GPC6: variants seen among roughly 807,000 people sequenced by gnomAD.
GPC6 encodes glypican-6.
GPC6 carries 14 observed loss-of-function variants against 55.2 expected under a neutral mutation model. That is an observed-to-expected ratio of 0.25 (90% CI 0.17 to 0.40). GPC6 has a LOEUF of 0.40. Among genes scored for constraint, GPC6 ranks in the 10% least tolerant of loss-of-function variants. The probability of loss-of-function intolerance (pLI) is 1.00; values close to 1 mark genes in which losing one functional copy is unlikely to be tolerated. For synonymous variants in GPC6, 278 were observed against 259.6 expected, an observed-to-expected ratio of 1.07 and a Z score of -0.68; for missense variants, 641 against 708.5, an observed-to-expected ratio of 0.90 and a Z score of 1.08.
rs142006929 is a variant in GPC6, at chr13:94,059,437, A to G, written c.877+31543A>G. 1.4e-3 allele frequency among the ~76,000 whole-genome samples: 215 copies of G among 152,102 alleles called. 2 individuals carry two copies. Among genetic ancestry groups the G allele is most frequent in the African/African-American group, 4.9e-3 (205 of 41,522 alleles). Reference sequence around the variant, plus strand: ...CCTTGTCTTCTTGGCTGAGCCACAGAAGTGCTACTTGTAACACCCACAGCC... The same window carrying G: ...CCTTGTCTTCTTGGCTGAGCCACAGGAGTGCTACTTGTAACACCCACAGCC... On this transcript the variant is annotated intron_variant, in intron 4 of 8. Coordinates refer to ENST00000377047, the MANE Select transcript of GPC6 (RefSeq NM_005708.5).
chr13:93,936,681 T>TTACTTA (rs1229717217), intron 3 of GPC6, among the ~76,000 whole-genome samples: 1 of 152,174 alleles, frequency 6.6e-6, no homozygotes, highest in East Asian at 1.9e-4. Flanking sequence ...AATGGCTTAT[T>TTACTTA]TACTTATCCC....
In GPC6 at chr13:94,203,834, C is replaced by T. The variant is rs140322994; in HGVS notation, c.878-82515C>T. ...ACATGTTGGAGCCTCCCAATCCTTA[C>T]TGCATGTCTGATAACTATTCTTTCA... On this transcript the variant is annotated intron_variant, in intron 4 of 8. Transcript: ENST00000377047. Among the ~76,000 whole-genome samples the T allele has an allele frequency of 9.7e-3, 1,475 of 152,252 alleles. 10 individuals are homozygous for T. The highest frequency in any genetic ancestry group is 0.02 in the Middle Eastern group (6 of 294).
intron 4 of GPC6, among the ~76,000 whole-genome samples, chr13:94,192,554 T>C (rs1249646738): frequency 6.6e-6 from 1 of 152,228 alleles, no homozygotes; most frequent in Non-Finnish European, 1.5e-5. Context: ...CAGTAAAATA[T>C]GAGCCTGCAT....
intron 3 of GPC6, among the ~76,000 whole-genome samples, chr13:93,856,830 G>T (rs1004497773): frequency 6.6e-6 from 1 of 151,578 alleles, no homozygotes; most frequent in Admixed American, 6.6e-5. Flanking sequence ...TACATCATTA[G>T]CTGACCTCCA....
intron 5 of GPC6, among the ~76,000 whole-genome samples, chr13:94,292,880 T>A (rs1378758373): frequency 1.3e-5 from 2 of 152,178 alleles, no homozygotes; most frequent in Non-Finnish European, 2.9e-5. Context: ...TCTCTCCTAT[T>A]TGGCCCACAA....
At chr13:93,686,516 A>C (rs1050374144) in intron 2 of GPC6, among the ~76,000 whole-genome samples, 6 of 152,118 alleles carry the variant, frequency 3.9e-5, no homozygotes, top group African/African-American at 1.4e-4. Flanking sequence ...TCATGGGACT[A>C]AAATGTTTTG....
chr13:93,955,233 GA>G (rs1162899636), intron 3 of GPC6, among the ~76,000 whole-genome samples: 1 of 136,698 alleles, frequency 7.3e-6, no homozygotes, highest in African/African-American at 2.9e-5. Flanking sequence ...CATAACTCTT[GA>G]ATGAACATGC....
At chr13:93,840,293 A>G (rs2138996306) in intron 3 of GPC6, among the ~76,000 whole-genome samples, 1 of 152,258 alleles carries the variant, frequency 6.6e-6, no homozygotes, top group South Asian at 2.1e-4. Flanking sequence ...AACACAAAAG[A>G]TCATTCGAGG....
chr13:93,959,075 A>G (rs1457943789), intron 3 of GPC6, among the ~76,000 whole-genome samples: 1 of 152,186 alleles, frequency 6.6e-6, no homozygotes, highest in Non-Finnish European at 1.5e-5. Context: ...TAGCCTTTCG[A>G]CAGCACCTTT....
intron 2 of GPC6, among the ~76,000 whole-genome samples, chr13:93,621,558 A>G (rs1443587373): frequency 1.3e-5 from 2 of 152,154 alleles, no homozygotes; most frequent in African/African-American, 2.4e-5. Context: ...GGGAATCTGG[A>G]TTACTAACAA....
intron 3 of GPC6, among the ~76,000 whole-genome samples, chr13:94,004,357 G>C (rs1881927901): frequency 1.3e-5 from 2 of 151,824 alleles, no homozygotes; most frequent in Non-Finnish European, 2.9e-5. Flanking sequence ...CTTACTGGAT[G>C]ATACTTAACA....
intron 1 of GPC6, among the ~76,000 whole-genome samples, chr13:93,321,289 G>A (rs1482208948): frequency 1.3e-5 from 2 of 152,034 alleles, no homozygotes; most frequent in South Asian, 2.1e-4. Context: ...TTCATTAATT[G>A]GGTGCCTGAT....
intron 4 of GPC6, among the ~76,000 whole-genome samples, chr13:94,161,432 G>A (rs142741230): frequency 1.1e-3 from 163 of 152,246 alleles, no homozygotes; most frequent in African/African-American, 3.7e-3. Context: ...TACTTTTGCT[G>A]TATACAGTTA....
chr13:93,967,298 ATTCAGTGCTACATATAC>A (rs1168837477), intron 3 of GPC6, among the ~76,000 whole-genome samples: 1 of 152,214 alleles, frequency 6.6e-6, no homozygotes, highest in Non-Finnish European at 1.5e-5. Context: ...AATAGTTATA[ATTCAGTGCTACATATAC>A]TATGATTAAA....
chr13:93,246,528 A>T (rs891754697), intron 1 of GPC6, among the ~76,000 whole-genome samples: 10 of 152,198 alleles, frequency 6.6e-5, no homozygotes, highest in African/African-American at 2.2e-4. Context: ...CTATTTTCTT[A>T]ATAGATGAGA....
At chr13:93,250,284 C>A (rs73635731) in intron 1 of GPC6, among the ~76,000 whole-genome samples, 5,661 of 152,222 alleles carry the variant, frequency 0.037, 198 homozygotes, top group East Asian at 0.091. Flanking sequence ...TCTTAGATTG[C>A]GGAGTGATAA....
At chr13:93,435,799 G>A (rs958574693) in intron 1 of GPC6, among the ~76,000 whole-genome samples, 3 of 152,118 alleles carry the variant, frequency 2.0e-5, no homozygotes, top group Non-Finnish European at 4.4e-5. Flanking sequence ...GATCAAATAC[G>A]GAAATTTTCA....
chr13:93,561,753 C>T (rs1206176194), intron 2 of GPC6, among the ~76,000 whole-genome samples: 1 of 152,112 alleles, frequency 6.6e-6, no homozygotes, highest in African/African-American at 2.4e-5. Flanking sequence ...CATTTACTTC[C>T]AGCTGGCAAC....
At chr13:93,642,128 A>G (rs1455377280) in intron 2 of GPC6, among the ~76,000 whole-genome samples, 5 of 152,002 alleles carry the variant, frequency 3.3e-5, no homozygotes, top group African/African-American at 4.8e-5. Context: ...TCCAATAGGT[A>G]GTGTTTAGCT....
Sources: gnomAD v4.1 joint callset for allele counts (sites outside exome capture counted in the v4.1 genomes callset) on GRCh38, gnomAD v4.1.1 for gene constraint, MANE v1.5 for transcripts, NCBI Gene and HGNC (gene_info 2026-07-23, HGNC 2026-07-21) for gene names.